Variants in TNRC6A observed in about 807,000 individuals in gnomAD.
TNRC6A encodes trinucleotide repeat containing adaptor 6A, also known as trinucleotide repeat-containing gene 6A protein.
TNRC6A carries 44 observed loss-of-function variants against 221.2 expected under a neutral mutation model. The observed-to-expected ratio is 0.20, with a 90% CI of 0.16 to 0.26. The LOEUF (loss-of-function observed/expected upper bound fraction) is 0.26, where lower values mean the gene tolerates loss of function less well. TNRC6A is among the 10% of genes least tolerant of loss of function. The probability of loss-of-function intolerance (pLI) is 1.00; values close to 1 mark genes in which losing one functional copy is unlikely to be tolerated. For missense variants in TNRC6A, 2,199 were observed against 2,404.4 expected (o/e 0.91, Z 1.79); for synonymous variants, 847 against 838.5 (o/e 1.01, Z -0.18).
intron 2 of TNRC6A, among the ~76,000 whole-genome samples, chr16:24,649,810 C>T (rs927657261): frequency 4.2e-5 from 6 of 143,912 alleles, no homozygotes; most frequent in Non-Finnish European, 4.5e-5. Context: ...TCCAGTCTCT[C>T]TCTCTCTTTT....
chr16:24,686,041 C>T (rs1221172011), intron 2 of TNRC6A, among the ~76,000 whole-genome samples: 1 of 152,164 alleles, frequency 6.6e-6, no homozygotes, highest in Admixed American at 6.6e-5. Flanking sequence ...TGGAGGAGAG[C>T]CCACTGGACA....
intron 2 of TNRC6A, among the ~76,000 whole-genome samples, chr16:24,707,375 C>CACACAT (rs1384744435): frequency 2.1e-5 from 3 of 142,468 alleles, no homozygotes; most frequent in African/African-American, 8.3e-5. Flanking sequence ...CACACACACA[C>CACACAT]ACACATCTTA....
rs2058743079 is a variant in TNRC6A at position 24,820,352 on chromosome 16, A to G, written c.5294A>G (p.Tyr1765Cys). The G allele has an allele frequency of 1.2e-6, 2 of 1,614,022 alleles. No homozygotes were observed. Among genetic ancestry groups the G allele is most frequent in the Non-Finnish European group, 1.7e-6 (2 of 1,179,978 alleles). ...GGGWGNSDARYTPGSSWGESS... is the reference protein window; with the variant it reads ...GGGWGNSDARCTPGSSWGESS... The stretch of plus-strand genomic sequence containing the variant: ...GGATGGGGAAATTCTGACGCCAGAT[A>G]TACCCCAGGTAAGATGCAGTCGTAA... Residue 1765 changes from tyrosine (Y) to cysteine (C), a missense_variant, in exon 22 of 25, where the codon TAT (tyrosine) becomes TGT (cysteine). Around this residue, in one of 8 missense-constraint regions of TNRC6A, gnomAD observed 449 missense variants for 579.7 expected, o/e 0.77. Transcript: ENST00000395799.
chr16:24,759,692 T>A (rs912132711), intron 4 of TNRC6A, among the ~76,000 whole-genome samples: 3 of 152,136 alleles, frequency 2.0e-5, no homozygotes, highest in African/African-American at 7.2e-5. Flanking sequence ...CAGTAGTGCC[T>A]AAAGTCACCA....
In TNRC6A at chr16:24,823,584, A is replaced by G. The variant is rs2058813334; in HGVS notation, c.5666A>G (p.His1889Arg). 6.2e-7 allele frequency: 1 copy of G among 1,613,724 alleles called. No individual in the cohort carries two copies. Among genetic ancestry groups the G allele is most frequent in the Non-Finnish European group, 8.5e-7 (1 of 1,179,952 alleles). Residue 1889 changes from histidine to arginine, a missense_variant, in exon 25 of 25, where the codon CAC becomes CGC. By Grantham distance (29) the His-to-Arg change is conservative. Transcript: ENST00000395799. The surrounding 1 kb of genome is among the most constrained non-coding windows in gnomAD (Gnocchi z 4.3). The part of the protein sequence containing the change: ...QSRLGSLDCS[H>R]SFSSRTDLNH... ...CGGCTGGGCTCCCTCGACTGTTCCC[A>G]CTCATTCTCCAGCCGGACCGATCTC...
upstream of TNRC6A, among the ~76,000 whole-genome samples, chr16:24,724,895 T>TA (rs2056467504): frequency 1.3e-5 from 2 of 152,268 alleles, no homozygotes; most frequent in South Asian, 4.1e-4. Flanking sequence ...TGCTGTTTGG[T>TA]AAAGCCTTGG....
In TNRC6A at chr16:24,746,044, G is replaced by C. The variant is rs552468839; in HGVS notation, c.54-4682G>C. Among the ~76,000 whole-genome samples the C allele has an allele frequency of 1.2e-3, 180 of 152,048 alleles. 1 individual carries two copies. The highest frequency in any genetic ancestry group is 2.3e-3 in the Non-Finnish European group (154 of 68,018). ...GCTGACAAGTCTCCATACTTCGCTTGTGCCCACACCTTTCTGTGCTCCTAA... is the reference window on the plus strand; with the variant it reads ...GCTGACAAGTCTCCATACTTCGCTTCTGCCCACACCTTTCTGTGCTCCTAA... On this transcript the variant is annotated intron_variant, in intron 2 of 24. Coordinates refer to ENST00000395799, the MANE Select transcript of TNRC6A (RefSeq NM_014494.4).
chr16:24,720,440 G>A (rs1049124777), intron 2 of TNRC6A, among the ~76,000 whole-genome samples: 1 of 152,082 alleles, frequency 6.6e-6, no homozygotes, highest in Non-Finnish European at 1.5e-5. Flanking sequence ...TGTAATCCCA[G>A]CACTTTGGGA....
chr16:24,708,396 A>T (rs75813157), intron 2 of TNRC6A, among the ~76,000 whole-genome samples: 1 of 151,646 alleles, frequency 6.6e-6, no homozygotes, highest in African/African-American at 2.4e-5. Context: ...ACCCGCCACC[A>T]CGCCCGGCTA....
intron 21 of TNRC6A, 84 bp from the exon 22 acceptor site, chr16:24,820,054 TG>T (rs2058736240): frequency 7.8e-7 from 1 of 1,282,824 alleles, no homozygotes; most frequent in African/African-American, 1.5e-5. Flanking sequence ...ATTTGCTTTT[TG>T]TGGGAGAATG....
chr16:24,785,536 G>T (rs747753117), intron 5 of TNRC6A, among the ~76,000 whole-genome samples: 8 of 152,118 alleles, frequency 5.3e-5, no homozygotes, highest in Non-Finnish European at 8.8e-5. Context: ...AAAGGAAATT[G>T]TTTTTTCATG....
chr16:24,726,548 G>C (rs568794339), upstream of TNRC6A, among the ~76,000 whole-genome samples: 288 of 152,170 alleles, frequency 1.9e-3, 1 homozygote, highest in Non-Finnish European at 3.5e-3. Context: ...AGTCATTTGC[G>C]ACCTTCATAA....
intron 2 of TNRC6A, among the ~76,000 whole-genome samples, chr16:24,644,171 C>G (rs1234626464): frequency 1.5e-5 from 2 of 135,762 alleles, no homozygotes; most frequent in East Asian, 4.5e-4. Context: ...ACTGCAAGCT[C>G]TGCCTTCCGG....
At chr16:24,651,201 A>C (rs1902625593) in intron 2 of TNRC6A, among the ~76,000 whole-genome samples, 1 of 147,632 alleles carries the variant, frequency 6.8e-6, no homozygotes. Context: ...AAAAAAAAAA[A>C]ATTGTGGTGT....
chr16:24,804,373 T>C, intron 12 of TNRC6A, 54 bp downstream of exon 12: 1 of 1,553,298 alleles, frequency 6.4e-7, no homozygotes, highest in Non-Finnish European at 8.7e-7. Context: ...CTTCATAGCG[T>C]AATTTTCACA....
rs760914925 is a variant in TNRC6A at position 24,777,170 on chromosome 16, G to A, written c.401G>A (p.Arg134His). The A allele has an allele frequency of 4.3e-6, 7 of 1,613,962 alleles. No homozygotes were observed. The highest frequency in any genetic ancestry group is 2.2e-5 in the East Asian group (1 of 44,898). The change falls in exon 5 of 25, where the codon CGT (arginine) becomes CAT (histidine). Residue 134 changes from arginine to histidine, a missense_variant. Around this residue, in one of 8 missense-constraint regions of TNRC6A, gnomAD observed 1,405 missense variants for 1,400.2 expected, o/e 1.00. Coordinates refer to ENST00000395799, the MANE Select transcript of TNRC6A (RefSeq NM_014494.4). ...CCACAGGCCTTGCCTCGGTATCCTC[G>A]TGAAGTACCTCCACGATTTCGCCAC... is the stretch of plus-strand genomic sequence containing the variant. ...QQPQALPRYPREVPPRFRHQE... is the reference protein window; with the variant it reads ...QQPQALPRYPHEVPPRFRHQE...
At chr16:24,747,926 A>G (rs1217383031) in intron 2 of TNRC6A, among the ~76,000 whole-genome samples, 1 of 152,220 alleles carries the variant, frequency 6.6e-6, no homozygotes, top group South Asian at 2.1e-4. Flanking sequence ...GAGTAAAATT[A>G]TAGTGACATA....
At chr16:24,646,155 A>G (rs1902278380) in intron 2 of TNRC6A, among the ~76,000 whole-genome samples, 1 of 152,164 alleles carries the variant, frequency 6.6e-6, no homozygotes, top group East Asian at 1.9e-4. Flanking sequence ...TTCTTTCTTT[A>G]GAGCTTGGAA....
At chr16:24,783,739 A>G (rs528885170) in intron 5 of TNRC6A, among the ~76,000 whole-genome samples, 1 of 152,334 alleles carries the variant, frequency 6.6e-6, no homozygotes, top group South Asian at 2.1e-4. Flanking sequence ...CTACTAGCAC[A>G]GAGATTAACT....
Sources: gnomAD v4.1 joint callset for allele counts (sites outside exome capture counted in the v4.1 genomes callset) on GRCh38, gnomAD v4.1.1 for gene constraint, gnomAD v4.1.1 regional missense constraint, Gnocchi (gnomAD v3.1) non-coding constraint, MANE v1.5 for transcripts, NCBI Gene and HGNC (gene_info 2026-07-23, HGNC 2026-07-21) for gene names.